Variants in AUTS2 observed in about 807,000 individuals in gnomAD.
AUTS2 encodes the protein activator of transcription and developmental regulator AUTS2.
In AUTS2, 17 loss-of-function variants were observed where a neutral mutation model predicts 112.4. The observed-to-expected ratio is 0.15, with a 90% CI of 0.10 to 0.23. AUTS2 has a LOEUF of 0.23. Ranked by LOEUF, AUTS2 falls within the 10% of genes least tolerant of loss-of-function variation. The pLI is 1.00. For missense variants in AUTS2, 1,510 were observed against 1,701.6 expected, an observed-to-expected ratio of 0.89 and a Z score of 1.98; for synonymous variants, 751 against 702.7, an observed-to-expected ratio of 1.07 and a Z score of -1.09.
intron 5 of AUTS2, chr7:70,436,505 C>G (rs1160032978): frequency 6.6e-6 from 1 of 152,252 alleles, no homozygotes; most frequent in Non-Finnish European, 1.5e-5. Flanking sequence ...TTTGGTCTTT[C>G]TTTCTAGCCG....
rs772444694 is a variant in AUTS2, at chr7:69,985,761, C to CT, written c.522+86277dup. Among the ~76,000 whole-genome samples, 604 of 143,744 alleles carry CT rather than the reference C, an allele frequency of 4.2e-3. 2 individuals are homozygous for CT. Among genetic ancestry groups the CT allele is most frequent in the East Asian group, 0.016 (77 of 4,934 alleles). The allele number at this position is 143,744 out of a possible 152,430, so 94.3% of individuals were successfully genotyped here. On this transcript the variant is annotated intron_variant, in intron 2 of 18. Coordinates refer to ENST00000342771, the MANE Select transcript of AUTS2 (RefSeq NM_015570.4). The stretch of plus-strand genomic sequence containing the variant: ...CAACCATCTAAGTTTGCCCCCTTTA[C>CT]TTTTTTTTTTTTTTGAGACAGGGTC...
chr7:69,617,578 A>G (rs1316121258), intron 1 of AUTS2, among the ~76,000 whole-genome samples: 1 of 152,154 alleles, frequency 6.6e-6, no homozygotes, highest in African/African-American at 2.4e-5. Context: ...TAACTGAGTG[A>G]CGCCAGAAGC....
chr7:70,720,231 A>T (rs2129551192), intron 6 of AUTS2, among the ~76,000 whole-genome samples: 1 of 151,984 alleles, frequency 6.6e-6, no homozygotes, highest in South Asian at 2.1e-4. Context: ...CCAGGGTGAC[A>T]GGAAGATTTA....
chr7:69,779,688 G>A (rs925982198), intron 1 of AUTS2, among the ~76,000 whole-genome samples: 3 of 150,840 alleles, frequency 2.0e-5, no homozygotes, highest in Non-Finnish European at 3.0e-5. Context: ...ACTTGAACTC[G>A]GGAGGCGGAG....
intron 1 of AUTS2, among the ~76,000 whole-genome samples, chr7:69,755,057 G>C (rs2129276058): frequency 6.6e-6 from 1 of 152,318 alleles, no homozygotes; most frequent in South Asian, 2.1e-4. Context: ...TAATTGTTCA[G>C]CTGAGGGATT....
intron 1 of AUTS2, among the ~76,000 whole-genome samples, chr7:69,633,003 A>C (rs1794339068): frequency 6.6e-6 from 1 of 152,188 alleles, no homozygotes; most frequent in East Asian, 1.9e-4. Context: ...CTCATTTAGC[A>C]TTAATCCCAA....
At chr7:69,999,297 A>G (rs1008040663) in intron 2 of AUTS2, among the ~76,000 whole-genome samples, 1 of 152,104 alleles carries the variant, frequency 6.6e-6, no homozygotes, top group Non-Finnish European at 1.5e-5. Flanking sequence ...GAAGGCATGG[A>G]TTGTAGGCCT....
chr7:70,012,965 A>G (rs1799873118), intron 2 of AUTS2, among the ~76,000 whole-genome samples: 1 of 152,198 alleles, frequency 6.6e-6, no homozygotes, highest in Non-Finnish European at 1.5e-5. Flanking sequence ...TTTTGGGGGT[A>G]TGGAGAAAGA....
At chr7:70,638,625 T>C (rs1226114165) in intron 5 of AUTS2, among the ~76,000 whole-genome samples, 2 of 152,208 alleles carry the variant, frequency 1.3e-5, no homozygotes, top group Non-Finnish European at 1.5e-5. Flanking sequence ...ACACACACAT[T>C]ATTTAGAAGC....
intron 5 of AUTS2, among the ~76,000 whole-genome samples, chr7:70,632,854 G>T (rs61381894): frequency 0.048 from 7,346 of 152,112 alleles, 482 homozygotes; most frequent in African/African-American, 0.15. Flanking sequence ...ACCCCCACTG[G>T]TGGCTCGAAA....
chr7:70,441,242 C>T (rs1239235710), intron 5 of AUTS2, among the ~76,000 whole-genome samples: 1 of 152,158 alleles, frequency 6.6e-6, no homozygotes, highest in African/African-American at 2.4e-5. Flanking sequence ...GAACAACCAC[C>T]TGGAGAAGGT....
chr7:69,621,754 C>G (rs971521794), intron 1 of AUTS2, among the ~76,000 whole-genome samples: 4 of 152,132 alleles, frequency 2.6e-5, no homozygotes, highest in Non-Finnish European at 5.9e-5. Flanking sequence ...TAACATTTGC[C>G]TCTGGGGTTA....
At chr7:69,808,684 G>A (rs1331648797) in intron 1 of AUTS2, among the ~76,000 whole-genome samples, 5 of 152,108 alleles carry the variant, frequency 3.3e-5, no homozygotes, top group African/African-American at 1.2e-4. Context: ...CTGACCAGCT[G>A]CTCTCAGTGC....
chr7:70,470,218 C>T (rs1231050096), intron 5 of AUTS2, among the ~76,000 whole-genome samples: 2 of 152,150 alleles, frequency 1.3e-5, no homozygotes, highest in South Asian at 2.1e-4. Flanking sequence ...GGATAAGAAC[C>T]GATTGGTTAA....
intron 1 of AUTS2, among the ~76,000 whole-genome samples, chr7:69,638,097 C>T (rs747251280): frequency 2.6e-5 from 4 of 152,250 alleles, no homozygotes; most frequent in Non-Finnish European, 5.9e-5. Context: ...CAACTCACTG[C>T]AGCTTCGAAC....
At chr7:70,702,066 C>A (rs76876855) in intron 6 of AUTS2, among the ~76,000 whole-genome samples, 1,899 of 152,302 alleles carry the variant, frequency 0.012, 34 homozygotes, top group African/African-American at 0.043. Flanking sequence ...GCTGGTGTCA[C>A]CAGTTTGGTC....
intron 4 of AUTS2, among the ~76,000 whole-genome samples, chr7:70,159,640 G>C (rs541808922): frequency 5.9e-5 from 9 of 152,080 alleles, no homozygotes; most frequent in Non-Finnish European, 1.0e-4. Context: ...GCAATGCTGG[G>C]GGTGTTTAAA....
intron 1 of AUTS2, among the ~76,000 whole-genome samples, chr7:69,603,197 C>T (rs1487978793): frequency 6.6e-6 from 1 of 152,164 alleles, no homozygotes; most frequent in African/African-American, 2.4e-5. Flanking sequence ...GCTTGCACAG[C>T]TAGGTTTATA....
chr7:70,625,708 T>C (rs1358552780), intron 5 of AUTS2, among the ~76,000 whole-genome samples: 1 of 152,180 alleles, frequency 6.6e-6, no homozygotes, highest in African/African-American at 2.4e-5. Flanking sequence ...CAGTAGACTC[T>C]GGTTCATCAG....
Sources: gnomAD v4.1 joint callset for allele counts (sites outside exome capture counted in the v4.1 genomes callset) on GRCh38, gnomAD v4.1.1 for gene constraint, MANE v1.5 for transcripts, NCBI Gene and HGNC (gene_info 2026-07-23, HGNC 2026-07-21) for gene names.